The following RAD51B variants were observed in gnomAD, a reference collection of about 807,000 sequenced individuals.
RAD51B encodes the protein DNA repair protein RAD51 homolog 2.
RAD51B carries 38 observed loss-of-function variants against 42.2 expected under a neutral mutation model. That is an observed-to-expected ratio of 0.90 (90% confidence interval 0.70 to 1.18). The LOEUF is 1.18. Ranked by LOEUF, RAD51B falls within the 50% of genes most tolerant of loss-of-function variation. The pLI is 0.00. For synonymous variants in RAD51B, 154 were observed against 145.2 expected (o/e 1.06, Z -0.43); for missense variants, 373 against 400.7 (o/e 0.93, Z 0.59).
intron 7 of RAD51B, among the ~76,000 whole-genome samples, chr14:68,266,693 A>T (rs1051254285): frequency 1.3e-5 from 2 of 152,308 alleles, no homozygotes; most frequent in Middle Eastern, 3.4e-3. Flanking sequence ...GTACAAATCA[A>T]TAGAGGACAG....
intron 7 of RAD51B, among the ~76,000 whole-genome samples, chr14:68,059,740 ACATGTC>A (rs1261051682): frequency 2.6e-5 from 4 of 152,154 alleles, no homozygotes; most frequent in East Asian, 3.8e-4. Flanking sequence ...TTTTAGTTGT[ACATGTC>A]TTTTTCCCTC....
intron 8 of RAD51B, among the ~76,000 whole-genome samples, chr14:68,400,949 G>C (rs867134285): frequency 6.6e-5 from 10 of 152,124 alleles, no homozygotes; most frequent in African/African-American, 1.9e-4. Flanking sequence ...AGCTGTATTG[G>C]AGAAAAGGTT....
intron 4 of RAD51B, among the ~76,000 whole-genome samples, chr14:67,846,553 C>T (rs2140319285): frequency 6.6e-6 from 1 of 152,202 alleles, no homozygotes; most frequent in South Asian, 2.1e-4. Flanking sequence ...CAGTGGTGGT[C>T]TGGTGTGCCT....
chr14:68,374,986 C>T (rs973447194), intron 8 of RAD51B, among the ~76,000 whole-genome samples: 2 of 151,506 alleles, frequency 1.3e-5, no homozygotes, highest in Non-Finnish European at 1.5e-5. Context: ...ATAATCACAC[C>T]CATTAGCTCA....
At chr14:68,650,743 T>C (rs750913175) in intron 10 of RAD51B, 2 of 733,618 alleles carry the variant, frequency 2.7e-6, no homozygotes, top group Non-Finnish European at 5.0e-6. Context: ...TAGGAAAAGC[T>C]AGGTTCCTTA....
chr14:67,997,938 T>C (rs1274215773), intron 7 of RAD51B, among the ~76,000 whole-genome samples: 1 of 152,214 alleles, frequency 6.6e-6, no homozygotes, highest in African/African-American at 2.4e-5. Context: ...CAGAACTCTA[T>C]TGTCTTTCTG....
intron 7 of RAD51B, among the ~76,000 whole-genome samples, chr14:68,052,922 C>T (rs574549930): frequency 5.3e-5 from 8 of 152,184 alleles, no homozygotes; most frequent in East Asian, 1.9e-4. Flanking sequence ...CGTGAGCCAC[C>T]GTGTCCGGCC....
At chr14:68,411,327 T>C in intron 8 of RAD51B, 97 bp from the exon 9 acceptor site, 1 of 987,054 alleles carries the variant, frequency 1.0e-6, no homozygotes, top group Non-Finnish European at 1.6e-6. Context: ...CTCCAAGTAC[T>C]CTCTGGACTA....
intron 7 of RAD51B, among the ~76,000 whole-genome samples, chr14:68,037,039 C>T (rs963000006): frequency 5.6e-5 from 6 of 107,572 alleles, no homozygotes; most frequent in Non-Finnish European, 9.3e-5. Context: ...TCCCTCCCCC[C>T]CTCCCTTCCT....
At position 68,386,129 on chromosome 14, in the gene RAD51B, T is replaced by C. The variant is rs139714346; in HGVS notation, c.854-25295T>C. Among the ~76,000 whole-genome samples, 21 of 152,266 alleles carry C rather than the reference T, an allele frequency of 1.4e-4. No homozygotes were observed. In the East Asian group the frequency reaches 4.0e-3, roughly 29 times the overall value. ...GGGCAGTATCCTTTGGAGGTTATTG[T>C]TGCCCCCTTTTTTACAAATGGGCAC... On this transcript the variant is annotated intron_variant, in intron 8 of 10. Transcript: ENST00000471583.
chr14:68,530,609 AG>A (rs1887241566), intron 10 of RAD51B, among the ~76,000 whole-genome samples: 1 of 152,100 alleles, frequency 6.6e-6, no homozygotes, highest in Non-Finnish European at 1.5e-5. Flanking sequence ...AATATCTGAA[AG>A]GGGAAAAAAA....
intron 7 of RAD51B, among the ~76,000 whole-genome samples, chr14:67,934,183 C>G (rs2044846764): frequency 6.6e-6 from 1 of 152,186 alleles, no homozygotes; most frequent in South Asian, 2.1e-4. Flanking sequence ...TAGGTGGCAT[C>G]TTTTAATTAG....
At chr14:68,061,709 T>C (rs1197927637) in intron 7 of RAD51B, among the ~76,000 whole-genome samples, 1 of 152,158 alleles carries the variant, frequency 6.6e-6, no homozygotes, top group African/African-American at 2.4e-5. Context: ...TTGTTATTGG[T>C]GTAGAGAAAC....
chr14:68,047,686 A>T (rs1040208823), intron 7 of RAD51B, among the ~76,000 whole-genome samples: 1 of 152,226 alleles, frequency 6.6e-6, no homozygotes, highest in African/African-American at 2.4e-5. Flanking sequence ...ACAAATATTA[A>T]TATTATCTCT....
In RAD51B at chr14:68,559,382, G is replaced by A. The variant is rs560519173; in HGVS notation, c.1037-35103G>A. ...CCTGTGATTAATACACATCCCAGGG[G>A]CATTTTTTTTTTTTTTGAGATGGAG... is the stretch of plus-strand genomic sequence containing the variant. On this transcript the variant is annotated intron_variant, in intron 10 of 10. Transcript: ENST00000487270. Among the ~76,000 whole-genome samples, 420 of 143,644 alleles carry A rather than the reference G, an allele frequency of 2.9e-3. 2 individuals carry two copies. Among genetic ancestry groups the A allele is most frequent in the African/African-American group, 0.01 (407 of 40,282 alleles). 94.2% of individuals were successfully genotyped at this position (143,644 alleles called of 152,430 possible). A position where few individuals can be genotyped will look rare whatever the true frequency, so the allele number is the denominator to read the frequency against.
At chr14:67,931,578 C>T (rs2044738366) in intron 7 of RAD51B, among the ~76,000 whole-genome samples, 1 of 149,524 alleles carries the variant, frequency 6.7e-6, no homozygotes, top group Non-Finnish European at 1.5e-5. Context: ...CCTCAGCTCA[C>T]TGCAACCTCT....
intron 9 of RAD51B, among the ~76,000 whole-genome samples, chr14:68,420,406 G>T (rs12435006): frequency 6.6e-6 from 1 of 152,106 alleles, no homozygotes; most frequent in South Asian, 2.1e-4. Context: ...ACAGCAACCC[G>T]AAGAGCTGCT....
chr14:68,104,006 A>C (rs1372542161), intron 7 of RAD51B, among the ~76,000 whole-genome samples: 1 of 152,220 alleles, frequency 6.6e-6, no homozygotes, highest in Non-Finnish European at 1.5e-5. Flanking sequence ...GAACTTACCC[A>C]GTCGCAGGTT....
intron 8 of RAD51B, among the ~76,000 whole-genome samples, chr14:68,310,848 AAATT>A (rs756668119): frequency 6.6e-6 from 1 of 152,110 alleles, no homozygotes; most frequent in Non-Finnish European, 1.5e-5. Flanking sequence ...CCATCTCAAA[AAATT>A]AATTAATTAA....
Sources: allele counts gnomAD v4.1 joint callset (sites outside exome capture counted in the v4.1 genomes callset), GRCh38; gene constraint gnomAD v4.1.1; transcripts MANE v1.5; gene names NCBI Gene and HGNC (gene_info 2026-07-23, HGNC 2026-07-21).